Variants in BTBD9 observed in about 807,000 individuals in gnomAD.
The protein encoded by BTBD9 is BTB domain containing 9, also known as BTB/POZ domain-containing protein 9.
A neutral mutation model predicts 64.3 loss-of-function variants in BTBD9; 49 were observed. The ratio of observed to expected loss-of-function variants is 0.76; its 90% CI spans 0.61 to 0.97. BTBD9 has a LOEUF of 0.97. Among genes scored for constraint, BTBD9 ranks in the 50% least tolerant of loss-of-function variants. The probability of loss-of-function intolerance (pLI) is 0.00; values close to 1 mark genes in which losing one functional copy is unlikely to be tolerated. For synonymous variants in BTBD9, 260 were observed against 274.7 expected (o/e 0.95, Z 0.53); for missense variants, 598 against 762.1 (o/e 0.78, Z 2.53).
At chr6:38,544,157 A>G (rs1774419786) in intron 6 of BTBD9, among the ~76,000 whole-genome samples, 1 of 152,240 alleles carries the variant, frequency 6.6e-6, no homozygotes, top group Non-Finnish European at 1.5e-5. Context: ...CCATTACAGT[A>G]TAACAACTAT....
intron 8 of BTBD9, among the ~76,000 whole-genome samples, chr6:38,287,973 A>G (rs964475548): frequency 3.9e-5 from 6 of 152,224 alleles, no homozygotes; most frequent in Non-Finnish European, 7.3e-5. Context: ...ACATTATCCT[A>G]TAAGTCTCTA....
At chr6:38,272,506 CTT>C (rs901332896) in intron 8 of BTBD9, among the ~76,000 whole-genome samples, 29 of 152,286 alleles carry the variant, frequency 1.9e-4, no homozygotes, top group African/African-American at 6.5e-4. Context: ...CATTTAGACT[CTT>C]TAATGAAACC....
chr6:38,178,417 T>C (rs1428836740), intron 10 of BTBD9, among the ~76,000 whole-genome samples: 3 of 152,016 alleles, frequency 2.0e-5, no homozygotes, highest in African/African-American at 4.8e-5. Flanking sequence ...GGTACACACG[T>C]ACCACAAGCA....
At chr6:38,592,988 C>T (rs1776874737) in intron 3 of BTBD9, 148 bp from the exon 4 acceptor site, 2 of 798,384 alleles carry the variant, frequency 2.5e-6, no homozygotes. Context: ...ACATATTCTC[C>T]TACTCATTAT....
chr6:38,485,768 C>T (rs1037276688), intron 6 of BTBD9, among the ~76,000 whole-genome samples: 32 of 152,142 alleles, frequency 2.1e-4, no homozygotes, highest in Admixed American at 2.1e-3. Flanking sequence ...TGAGCACTGG[C>T]CTCACCCTAA....
At chr6:38,244,135 G>C (rs1488927492) in intron 9 of BTBD9, among the ~76,000 whole-genome samples, 2 of 151,748 alleles carry the variant, frequency 1.3e-5, no homozygotes, top group African/African-American at 4.8e-5. Context: ...TCCTTTTTTT[G>C]CAGATGCCCA....
chr6:38,625,653 T>C (rs769145610), intron 1 of BTBD9, among the ~76,000 whole-genome samples: 5 of 152,190 alleles, frequency 3.3e-5, no homozygotes, highest in Non-Finnish European at 5.9e-5. Context: ...ATTCACAGAT[T>C]CCTAGAACAT....
At chr6:38,334,607 TAAC>T (rs1763812985) in intron 7 of BTBD9, among the ~76,000 whole-genome samples, 1 of 145,450 alleles carries the variant, frequency 6.9e-6, no homozygotes, top group Non-Finnish European at 1.5e-5. Context: ...TAACATAACA[TAAC>T]ATAACATAAC....
chr6:38,410,815 C>T (rs1294516001), intron 6 of BTBD9, among the ~76,000 whole-genome samples: 1 of 151,992 alleles, frequency 6.6e-6, no homozygotes, highest in Non-Finnish European at 1.5e-5. Context: ...ATCACTTGAG[C>T]CTGGGAGTTC....
At chr6:38,497,168 C>A (rs1177231922) in intron 6 of BTBD9, among the ~76,000 whole-genome samples, 3 of 152,186 alleles carry the variant, frequency 2.0e-5, no homozygotes, top group Non-Finnish European at 4.4e-5. Context: ...TTCATGGAAT[C>A]TATAAAAGTC....
intron 9 of BTBD9, among the ~76,000 whole-genome samples, chr6:38,234,716 C>T (rs888841181): frequency 1.3e-5 from 2 of 152,184 alleles, no homozygotes; most frequent in Admixed American, 6.5e-5. Flanking sequence ...AGAGAGTAAA[C>T]GTCTTGCCCA....
At chr6:38,453,679 C>T (rs1418720974) in intron 6 of BTBD9, among the ~76,000 whole-genome samples, 1 of 152,084 alleles carries the variant, frequency 6.6e-6, no homozygotes, top group Admixed American at 6.6e-5. Context: ...AAAGAATGCC[C>T]CTTAGTTACT....
At chr6:38,248,046 C>T (rs956443498) in intron 9 of BTBD9, among the ~76,000 whole-genome samples, 6 of 151,980 alleles carry the variant, frequency 3.9e-5, no homozygotes, top group Non-Finnish European at 2.9e-5. Context: ...TATACAAAGT[C>T]GACCATTATG....
intron 7 of BTBD9, among the ~76,000 whole-genome samples, chr6:38,290,335 A>G (rs1203884329): frequency 6.6e-6 from 1 of 151,812 alleles, no homozygotes; most frequent in Admixed American, 6.6e-5. Context: ...AAAGAAACAG[A>G]AGTGGACTAT....
chr6:38,324,783 A>G (rs966399702), intron 7 of BTBD9, among the ~76,000 whole-genome samples: 1 of 152,224 alleles, frequency 6.6e-6, no homozygotes, highest in African/African-American at 2.4e-5. Context: ...TTTAGTACTC[A>G]GGCATCTCAC....
intron 6 of BTBD9, among the ~76,000 whole-genome samples, chr6:38,462,236 A>G (rs1770124028): frequency 6.6e-6 from 1 of 152,206 alleles, no homozygotes; most frequent in South Asian, 2.1e-4. Flanking sequence ...TTGCCTAAAC[A>G]AGAGAAAACA....
intron 9 of BTBD9, among the ~76,000 whole-genome samples, chr6:38,233,267 A>T (rs914605023): frequency 3.3e-5 from 5 of 152,174 alleles, no homozygotes; most frequent in Admixed American, 2.6e-4. Context: ...CTATTTTTTT[A>T]AAAAAATAAC....
At chr6:38,317,002 T>C (rs1356993975) in intron 7 of BTBD9, among the ~76,000 whole-genome samples, 1 of 152,178 alleles carries the variant, frequency 6.6e-6, no homozygotes, top group Non-Finnish European at 1.5e-5. Flanking sequence ...CACTTAGTTT[T>C]TTATTTTTTT....
chr6:38,437,268 G>A (rs1768784433), intron 6 of BTBD9, among the ~76,000 whole-genome samples: 1 of 152,178 alleles, frequency 6.6e-6, no homozygotes. Flanking sequence ...GGGTAGCGAA[G>A]GGAGGGTCAC....
Sources: allele counts gnomAD v4.1 joint callset (sites outside exome capture counted in the v4.1 genomes callset), GRCh38; gene constraint gnomAD v4.1.1; transcripts MANE v1.5; gene names NCBI Gene and HGNC (gene_info 2026-07-23, HGNC 2026-07-21).